GCC2: variants seen among roughly 807,000 people sequenced by gnomAD.
GCC2 encodes GRIP and coiled-coil domain containing 2, also known as GRIP and coiled-coil domain-containing protein 2.
GCC2 carries 120 observed loss-of-function variants against 210.6 expected under a neutral mutation model. The ratio of observed to expected loss-of-function variants is 0.57; its 90% CI spans 0.49 to 0.66. GCC2 has a LOEUF of 0.66. Among genes scored for constraint, GCC2 ranks in the 30% least tolerant of loss-of-function variants. GCC2 has a pLI of 0.00. For missense variants in GCC2, 1,868 were observed against 1,871.9 expected, an observed-to-expected ratio of 1.00 and a Z score of 0.04; for synonymous variants, 703 against 652.7, an observed-to-expected ratio of 1.08 and a Z score of -1.17.
rs891780261 is a variant in GCC2, at chr2:108,490,588, T to C, written c.4229+574T>C. 1.1e-4 allele frequency among the ~76,000 whole-genome samples: 16 copies of C among 148,018 alleles called. 1 individual carries two copies. In the East Asian group the frequency reaches 3.3e-3, roughly 30 times the overall value. ...GAGCATCTTTTATCAAGGGTGTTGA[T>C]AATTTTATCACAGATTTGCTTATAT... On this transcript the variant is annotated intron_variant, in intron 18 of 22. Coordinates refer to ENST00000309863, the MANE Select transcript of GCC2 (RefSeq NM_181453.4).
chr2:108,507,924 C>T lies in GCC2; in HGVS notation c.*294C>T, dbSNP rs569225412. 1.2e-5 allele frequency: 3 copies of T among 247,924 alleles called. No homozygotes were observed. The highest frequency in any genetic ancestry group is 1.1e-4 in the Admixed American group (2 of 18,862). 15.4% of individuals were successfully genotyped at this position (247,924 alleles called of 1,614,324 possible). A position where few individuals can be genotyped will look rare whatever the true frequency, so the allele number is the denominator to read the frequency against. On this transcript the variant is annotated 3_prime_UTR_variant, in exon 23 of 23. Coordinates refer to ENST00000309863, the MANE Select transcript of GCC2 (RefSeq NM_181453.4). ...CCCACTTCTCTGGAACCTCAGGACC[C>T]GCCCATTTCTCGGCAGTACTGTGAA...
chr2:108,453,861 T>A (rs1452484094), intron 4 of GCC2, among the ~76,000 whole-genome samples: 1 of 152,062 alleles, frequency 6.6e-6, no homozygotes. Context: ...ACAAATGCTT[T>A]TTCATTCCCT....
Position 108,470,419 on chromosome 2 carries a change from A to C in GCC2, c.1090A>C (p.Lys364Gln), listed in dbSNP as rs1421904421. Residue 364 changes from lysine to glutamine, a missense_variant, in exon 6 of 23, where the codon AAA (lysine) becomes CAA (glutamine). By Grantham distance (53) the Lys-to-Gln change is moderately conservative. Transcript: ENST00000309863. Reference protein sequence around the residue: ...EVTYMNNLKLKLEMDAQHIKD... With the variant: ...EVTYMNNLKLQLEMDAQHIKD... ...AACTTATATGAATAATCTTAAGTTA[A>C]AACTTGAAATGGATGCTCAACATAT... 6.2e-7 allele frequency: 1 copy of C among 1,606,874 alleles called. No individual in the cohort carries two copies. Among genetic ancestry groups the C allele is most frequent in the African/African-American group, 1.3e-5 (1 of 74,772 alleles).
At chr2:108,473,303 GT>G (rs1389044469) in intron 7 of GCC2, 1 of 124,030 alleles carries the variant, frequency 8.1e-6, no homozygotes, top group African/African-American at 3.0e-5. Flanking sequence ...ACTTAACACT[GT>G]TTTGAGTTAA....
chr2:108,502,279 G>C (rs930015670), intron 22 of GCC2, among the ~76,000 whole-genome samples: 9 of 152,094 alleles, frequency 5.9e-5, no homozygotes, highest in Admixed American at 1.3e-4. Context: ...TGTCTAACAG[G>C]CCTCTTTTAA....
At chr2:108,460,308 C>T (rs1194900291) in intron 4 of GCC2, among the ~76,000 whole-genome samples, 3 of 152,090 alleles carry the variant, frequency 2.0e-5, no homozygotes, top group Admixed American at 2.0e-4. Context: ...GTTTTTTATC[C>T]TTTTAGCCAG....
At chr2:108,454,793 G>A (rs1680161633) in intron 4 of GCC2, among the ~76,000 whole-genome samples, 1 of 152,142 alleles carries the variant, frequency 6.6e-6, no homozygotes, top group African/African-American at 2.4e-5. Context: ...ATGTAGGATT[G>A]ATAAGGTAAT....
At chr2:108,451,939 G>A (rs545667725) in intron 3 of GCC2, among the ~76,000 whole-genome samples, 1 of 151,136 alleles carries the variant, frequency 6.6e-6, no homozygotes, top group African/African-American at 2.4e-5. Context: ...CCCTTCCCGG[G>A]TTCAAGCGAT....
In GCC2 at chr2:108,452,268, T is replaced by A. The variant is rs1279179810; in HGVS notation, c.149-131T>A. 4.5e-6 allele frequency: 3 copies of A among 673,588 alleles called. No individual in the cohort carries two copies. The South Asian group carries it at 4.9e-5, about 11-fold the overall frequency. The allele number at this position is 673,588 out of a possible 1,614,324, so 41.7% of individuals were successfully genotyped here. A position where few individuals can be genotyped will look rare whatever the true frequency, so the allele number is the denominator to read the frequency against. The stretch of plus-strand genomic sequence containing the variant: ...GTATAGTGATGAGTGCAGAGATTAA[T>A]CATACTATTCTGCTTAAATATATTC... On this transcript the variant is annotated intron_variant, in intron 3 of 22. Coordinates refer to ENST00000309863, the MANE Select transcript of GCC2 (RefSeq NM_181453.4).
chr2:108,469,549 T>C, intron 5 of GCC2, 102 bp from the exon 6 acceptor site: 1 of 751,340 alleles, frequency 1.3e-6, no homozygotes, highest in Non-Finnish European at 2.2e-6. Flanking sequence ...TTCTGCTCAT[T>C]TACTTTTCTC....
chr2:108,503,824 A>G (rs1457144864), intron 22 of GCC2, among the ~76,000 whole-genome samples: 2 of 152,254 alleles, frequency 1.3e-5, no homozygotes, highest in Admixed American at 6.5e-5. Flanking sequence ...TCAAAAGAAT[A>G]CAAGCTGGGC....
chr2:108,464,900 T>G (rs1313990857), intron 4 of GCC2, among the ~76,000 whole-genome samples: 2 of 152,106 alleles, frequency 1.3e-5, no homozygotes, highest in Non-Finnish European at 2.9e-5. Context: ...GAGGTTTTAT[T>G]TATGGCAGAA....
intron 11 of GCC2, among the ~76,000 whole-genome samples, 199 bp downstream of exon 11, chr2:108,482,650 CTT>C (rs1681919916): frequency 6.6e-6 from 1 of 152,106 alleles, no homozygotes; most frequent in South Asian, 2.1e-4. Context: ...TATTACCAAA[CTT>C]TTTGTATTTT....
rs571852572 is a variant in GCC2 at position 108,487,203 on chromosome 2, T to C, written c.3931-496T>C. 4.6e-5 allele frequency among the ~76,000 whole-genome samples: 7 copies of C among 152,292 alleles called. No homozygotes were observed. The South Asian group carries it at 1.4e-3, about 32-fold the overall frequency. ...TCTGAGTTAATTTTTCTCAAATTTATAAAAAGAGGGGATATCATAAGAGAA... is the reference window on the plus strand; with the variant it reads ...TCTGAGTTAATTTTTCTCAAATTTACAAAAAGAGGGGATATCATAAGAGAA... On this transcript the variant is annotated intron_variant, in intron 16 of 22. Coordinates refer to ENST00000309863, the MANE Select transcript of GCC2 (RefSeq NM_181453.4).
chr2:108,485,500 A>G, intron 13 of GCC2, 136 bp from the exon 14 acceptor site: 1 of 547,186 alleles, frequency 1.8e-6, no homozygotes, highest in South Asian at 2.9e-5. Context: ...ACTGTCACAT[A>G]TGTTTGAAGT....
Position 108,485,825 on chromosome 2 carries a change from C to T in GCC2, c.3715-6C>T, listed in dbSNP as rs1682113356. ...AAAAAATTTAACCAAGATTCTCATT[C>T]TATAGGAAACTGATCACTTAATACT... On this transcript the variant is annotated splice_polypyrimidine_tract_variant and splice_region_variant and intron_variant, in intron 14 of 22. Transcript: ENST00000309863. The T allele has an allele frequency of 9.7e-6, 15 of 1,549,522 alleles. No individual in the cohort carries two copies. The highest frequency in any genetic ancestry group is 1.7e-4 in the Middle Eastern group (1 of 5,792).
In GCC2 at chr2:108,483,110, C is replaced by G. The variant is rs751148636; in HGVS notation, c.3394C>G (p.Gln1132Glu). 1.3e-6 allele frequency: 2 copies of G among 1,597,680 alleles called. No homozygotes were observed. Among genetic ancestry groups the G allele is most frequent in the South Asian group, 1.1e-5 (1 of 90,656 alleles). The change falls in exon 12 of 23, where the codon CAA becomes GAA. Residue 1132 changes from glutamine to glutamate, a missense_variant. Transcript: ENST00000309863. ...ACTTGAAGAACTTCAGGTACAACTT[C>G]AAAAGCAAAAGAAACAGCTTCAGAA... ...NELEELQVQL[Q>E]KQKKQLQKTM...
chr2:108,500,252 C>T (rs1300234232), intron 22 of GCC2, among the ~76,000 whole-genome samples: 4 of 152,288 alleles, frequency 2.6e-5, no homozygotes, highest in South Asian at 2.1e-4. Flanking sequence ...CGGTGGTTCA[C>T]GCCTATAATC....
At chr2:108,496,706 C>T in intron 20 of GCC2, 2 of 552,078 alleles carry the variant, frequency 3.6e-6, no homozygotes, top group South Asian at 2.4e-5. Flanking sequence ...TGTCTATAAA[C>T]ACAATTCTGA....
Sources: allele counts gnomAD v4.1 joint callset (sites outside exome capture counted in the v4.1 genomes callset), GRCh38; gene constraint gnomAD v4.1.1; transcripts MANE v1.5; gene names NCBI Gene and HGNC (gene_info 2026-07-23, HGNC 2026-07-21).